The following BEAN1 variants were observed in gnomAD, a reference collection of about 807,000 sequenced individuals.
The protein encoded by BEAN1 is brain expressed associated with NEDD4 1.
Under a neutral mutation model 17.7 loss-of-function variants are expected in BEAN1, and 17 were observed. That is an observed-to-expected ratio of 0.96 (90% CI 0.66 to 1.44). The LOEUF (loss-of-function observed/expected upper bound fraction) is 1.44. BEAN1 is among the 40% of genes most tolerant of loss of function. BEAN1 has a pLI of 0.00. For synonymous variants in BEAN1, 142 were observed against 151.8 expected (o/e 0.94, Z 0.47); for missense variants, 359 against 374.1 (o/e 0.96, Z 0.33).
At chr16:66,476,635 GA>G (rs890473025) in intron 3 of BEAN1, among the ~76,000 whole-genome samples, 1 of 152,186 alleles carries the variant, frequency 6.6e-6, no homozygotes, top group African/African-American at 2.4e-5. Flanking sequence ...GCTTAGCAAG[GA>G]GGAGCCAAGA....
chr16:66,472,497 A>G (rs182857363), intron 3 of BEAN1, among the ~76,000 whole-genome samples: 51 of 152,358 alleles, frequency 3.3e-4, no homozygotes, highest in African/African-American at 1.2e-3. Flanking sequence ...TGAAGTCAGG[A>G]GTTCAAGACC....
At chr16:66,492,198 C>T (rs1259128529) in intron 4 of BEAN1, among the ~76,000 whole-genome samples, 1 of 151,664 alleles carries the variant, frequency 6.6e-6, no homozygotes, top group Non-Finnish European at 1.5e-5. Context: ...TCCACCAACA[C>T]ACCTGGCTAA....
intron 1 of BEAN1, among the ~76,000 whole-genome samples, chr16:66,430,057 G>A (rs533502853): frequency 1.3e-5 from 2 of 152,288 alleles, no homozygotes; most frequent in African/African-American, 4.8e-5. Context: ...CAAGAGTCAC[G>A]GCTGAGAGCA....
intron 2 of BEAN1, among the ~76,000 whole-genome samples, chr16:66,441,916 G>A (rs1350676015): frequency 6.6e-6 from 1 of 152,104 alleles, no homozygotes; most frequent in Admixed American, 6.5e-5. Flanking sequence ...TTACTTTCAG[G>A]CATTTCAGCT....
chr16:66,484,608 G>A (rs1409050838), downstream of BEAN1: 1 of 454,046 alleles, frequency 2.2e-6, no homozygotes, highest in African/African-American at 2.0e-5. The surrounding 1 kb of genome is among the most constrained non-coding windows in gnomAD (Gnocchi z 4.2). Context: ...GGGCCCCAGG[G>A]CCAGACCCTG....
intron 2 of BEAN1, among the ~76,000 whole-genome samples, chr16:66,468,017 C>T (rs1372421492): frequency 6.6e-6 from 1 of 152,236 alleles, no homozygotes; most frequent in East Asian, 1.9e-4. Context: ...GAAACGATCA[C>T]AGCTGAGTGT....
chr16:66,475,981 G>A (rs1003341340), intron 3 of BEAN1: 1 of 152,058 alleles, frequency 6.6e-6, no homozygotes, highest in African/African-American at 2.4e-5. Context: ...GTGGTGGCGG[G>A]TGCCTGTAGT....
rs1410699750 is a variant in BEAN1 at position 66,493,320 on chromosome 16, T to TCCCTCA, written c.506_507insCCCTCA (p.Val169_Gly170insProGln). On this transcript the variant is annotated inframe_insertion, in exon 5 of 5. Coordinates refer to the BEAN1 transcript ENST00000561796. The stretch of plus-strand genomic sequence containing the variant: ...CCACAGCAAGGTCCCTCAGAAGGGG[T>TCCCTCA]GGGGTCCGAGACGGCCCTGGCAGAG... 1.4e-5 allele frequency: 10 copies of TCCCTCA among 696,996 alleles called. 1 individual carries two copies. The Admixed American group carries it at 2.0e-4, about 14-fold the overall frequency. 43.2% of individuals were successfully genotyped at this position (696,996 alleles called of 1,614,324 possible). A position where few individuals can be genotyped will look rare whatever the true frequency, so the allele number is the denominator to read the frequency against.
downstream of BEAN1, chr16:66,484,804 C>T (rs901221371): frequency 1.1e-5 from 5 of 453,988 alleles, no homozygotes; most frequent in African/African-American, 2.0e-5. The surrounding 1 kb of genome is among the most constrained non-coding windows in gnomAD (Gnocchi z 4.2). Context: ...CTCAAAGTGA[C>T]GCCCGCCCTC....
chr16:66,440,109 C>T (rs576514427), intron 2 of BEAN1, among the ~76,000 whole-genome samples: 4 of 151,396 alleles, frequency 2.6e-5, no homozygotes, highest in African/African-American at 9.7e-5. Flanking sequence ...TGCGTCTCAC[C>T]CTGTTGGGTA....
intron 2 of BEAN1, among the ~76,000 whole-genome samples, chr16:66,449,013 AAAG>A (rs561060183): frequency 1.1e-3 from 162 of 152,264 alleles, no homozygotes; most frequent in South Asian, 1.2e-3. Flanking sequence ...CTGTCTCAAA[AAAG>A]AAGAAGATAA....
chr16:66,476,064 C>A (rs747879082), intron 3 of BEAN1, among the ~76,000 whole-genome samples: 4 of 149,926 alleles, frequency 2.7e-5, no homozygotes, highest in Non-Finnish European at 5.9e-5. Context: ...GAGCTGAGAT[C>A]GCGCCACTGC....
intron 2 of BEAN1, among the ~76,000 whole-genome samples, chr16:66,442,780 A>G (rs1457103721): frequency 3.9e-5 from 6 of 152,190 alleles, no homozygotes; most frequent in Non-Finnish European, 8.8e-5. Flanking sequence ...GGTGCCTGGC[A>G]CTGAGAAGAT....
At chr16:66,470,072 A>C in intron 3 of BEAN1, 1 of 696,078 alleles carries the variant, frequency 1.4e-6, no homozygotes, top group East Asian at 2.7e-5. Context: ...GCTAAGAGAG[A>C]AACTCAGAGT....
At position 66,473,592 on chromosome 16, in the gene BEAN1, G is replaced by A. The variant is rs937340263; in HGVS notation, c.289+3727G>A. 7.2e-5 allele frequency among the ~76,000 whole-genome samples: 11 copies of A among 152,074 alleles called. No homozygotes were observed. Among genetic ancestry groups the A allele is most frequent in the African/African-American group, 2.2e-4 (9 of 41,382 alleles). ...CACACCTATAATCCCAGCACTTTGG[G>A]AGGCCAAGGTGGGAGGATAGCTTGA... is the stretch of plus-strand genomic sequence containing the variant. On this transcript the variant is annotated intron_variant, in intron 3 of 4. Coordinates refer to ENST00000536005, the MANE Select transcript of BEAN1 (RefSeq NM_001178020.3). This position sits in a 1 kb window ranked among gnomAD's most constrained non-coding sequence, Gnocchi z 4.5.
intron 1 of BEAN1, among the ~76,000 whole-genome samples, chr16:66,436,443 AT>A (rs71145925): frequency 0.011 from 1,302 of 121,310 alleles, 4 homozygotes; most frequent in Non-Finnish European, 0.012. Context: ...AATTTTTTGT[AT>A]TTTTTTTTTT....
At chr16:66,474,940 A>G (rs1030309854) in intron 3 of BEAN1, among the ~76,000 whole-genome samples, 7 of 152,134 alleles carry the variant, frequency 4.6e-5, no homozygotes, top group Non-Finnish European at 8.8e-5. Context: ...CTCCTCCCAC[A>G]GTGGGGTGTG....
rs572981362 is a variant in BEAN1, at chr16:66,464,533, G to A, written c.26-5069G>A. Among the ~76,000 whole-genome samples the A allele has an allele frequency of 1.9e-4, 29 of 152,060 alleles. No homozygotes were observed. The South Asian group carries it at 5.0e-3, about 26-fold the overall frequency. On this transcript the variant is annotated intron_variant, in intron 2 of 4. Transcript: ENST00000536005. ...TTTTATTTGTATTTTTAGTAGAGAC[G>A]GATTTTACCATGTTGGCTAGGCTGG...
intron 2 of BEAN1, among the ~76,000 whole-genome samples, chr16:66,447,861 A>T (rs909533777): frequency 2.6e-5 from 4 of 152,218 alleles, no homozygotes; most frequent in Non-Finnish European, 5.9e-5. Context: ...ACAGTATGTT[A>T]GTGGCTGAAA....
Sources: allele counts gnomAD v4.1 joint callset (sites outside exome capture counted in the v4.1 genomes callset), GRCh38; gene constraint gnomAD v4.1.1; non-coding constraint Gnocchi (gnomAD v3.1); transcripts MANE v1.5; gene names NCBI Gene and HGNC (gene_info 2026-07-23, HGNC 2026-07-21).